Variants in PPIP5K2 observed in about 807,000 individuals in gnomAD.
PPIP5K2 encodes the protein inositol hexakisphosphate and diphosphoinositol-pentakisphosphate kinase 2.
Under a neutral mutation model 154.6 loss-of-function variants are expected in PPIP5K2, and 105 were observed. That is an observed-to-expected ratio of 0.68 (90% CI 0.58 to 0.80). PPIP5K2 has a LOEUF of 0.80. Ranked by LOEUF, PPIP5K2 falls within the 30% of genes least tolerant of loss-of-function variation. PPIP5K2 has a pLI of 0.00. For synonymous variants in PPIP5K2, 480 were observed against 490.3 expected (o/e 0.98, Z 0.28); for missense variants, 992 against 1,504.6 (o/e 0.66, Z 5.64).
rs1465965550 is a variant in PPIP5K2 at position 103,207,017 on chromosome 5, C to G, written c.*5383C>G. 1 of 152,234 alleles carries G rather than the reference C, an allele frequency of 6.6e-6. No homozygotes were observed. The highest frequency in any genetic ancestry group is 2.4e-5 in the African/African-American group (1 of 41,432). The allele number at this position is 152,234 out of a possible 1,614,324, so 9.4% of individuals were successfully genotyped here. On this transcript the variant is annotated 3_prime_UTR_variant, in exon 31 of 31. Coordinates refer to ENST00000358359, the MANE Select transcript of PPIP5K2 (RefSeq NM_001276277.3). ...CCTGAAAAGTGTCTCAACCAAGGCCCCCTGATAAGGAAGACTCAGCATGGA... is the reference window on the plus strand; with the variant it reads ...CCTGAAAAGTGTCTCAACCAAGGCCGCCTGATAAGGAAGACTCAGCATGGA...
chr5:103,129,478 A>T lies in PPIP5K2; in HGVS notation c.-112A>T. The T allele has an allele frequency of 1.3e-6, 1 of 798,098 alleles. No individual in the cohort carries two copies. The highest frequency in any genetic ancestry group is 1.8e-6 in the Non-Finnish European group (1 of 542,986). The allele number at this position is 798,098 out of a possible 1,614,324, so 49.4% of individuals were successfully genotyped here. Reference sequence around the variant, plus strand: ...ATTGTATAAGCAGAAACAAGCTGTCACAGACCTGTGCGTCAGCTAATATAT... The same window carrying T: ...ATTGTATAAGCAGAAACAAGCTGTCTCAGACCTGTGCGTCAGCTAATATAT... On this transcript the variant is annotated 5_prime_UTR_variant, in exon 2 of 31. Transcript: ENST00000358359.
intron 2 of PPIP5K2, 70 bp from the exon 3 acceptor site, chr5:103,133,383 C>A: frequency 1.5e-6 from 2 of 1,329,738 alleles, no homozygotes; most frequent in South Asian, 1.5e-5. Context: ...TTTTGGAAAA[C>A]AAATGAAGAT....
In PPIP5K2 at chr5:103,209,404, A is replaced by C. The variant is rs2149892131; in HGVS notation, c.*7770A>C. 6.7e-6 allele frequency: 1 copy of C among 149,624 alleles called. No homozygotes were observed. Among genetic ancestry groups the C allele is most frequent in the African/African-American group, 2.4e-5 (1 of 41,030 alleles). The allele number at this position is 149,624 out of a possible 1,614,324, so 9.3% of individuals were successfully genotyped here. A position where few individuals can be genotyped will look rare whatever the true frequency, so the allele number is the denominator to read the frequency against. Reference sequence around the variant, plus strand: ...TCAGTTCTTCCCAAAGCAGTGTTTAAAAAAAAAAAGTATTTAAATAAAATC... The same window carrying C: ...TCAGTTCTTCCCAAAGCAGTGTTTACAAAAAAAAAGTATTTAAATAAAATC... On this transcript the variant is annotated 3_prime_UTR_variant, in exon 31 of 31. Coordinates refer to ENST00000358359, the MANE Select transcript of PPIP5K2 (RefSeq NM_001276277.3).
chr5:103,191,190 C>CA (rs201274438), intron 29 of PPIP5K2: 1,704 of 351,516 alleles, frequency 4.8e-3, no homozygotes, highest in East Asian at 8.1e-3. Flanking sequence ...TTCTTCTTAC[C>CA]AAAAAAAAAC....
intron 28 of PPIP5K2, among the ~76,000 whole-genome samples, chr5:103,190,118 T>C (rs769462538): frequency 1.3e-5 from 2 of 152,082 alleles, no homozygotes; most frequent in Non-Finnish European, 2.9e-5. Flanking sequence ...TAAGTGCTTT[T>C]GTTTCACTGA....
chr5:103,185,023 G>C (rs1800146510), intron 26 of PPIP5K2, among the ~76,000 whole-genome samples: 1 of 152,112 alleles, frequency 6.6e-6, no homozygotes, highest in South Asian at 2.1e-4. Flanking sequence ...TACTCTGTAA[G>C]TTAATTTATG....
intron 29 of PPIP5K2, among the ~76,000 whole-genome samples, chr5:103,193,202 T>C (rs1415473208): frequency 1.3e-5 from 2 of 152,164 alleles, no homozygotes; most frequent in Non-Finnish European, 2.9e-5. Context: ...TTTCTCATTA[T>C]TTTTGAATAG....
intron 17 of PPIP5K2, among the ~76,000 whole-genome samples, chr5:103,162,992 T>C (rs968509000): frequency 1.3e-5 from 2 of 151,698 alleles, no homozygotes; most frequent in African/African-American, 4.8e-5. Context: ...TTATTATATA[T>C]GTGTGATCTG....
intron 17 of PPIP5K2, among the ~76,000 whole-genome samples, chr5:103,163,110 ATTTT>A (rs1796603826): frequency 1.8e-5 from 1 of 56,558 alleles, no homozygotes; most frequent in African/African-American, 7.3e-5. Context: ...TTTTTTTTGC[ATTTT>A]CATATAAATT....
At chr5:103,136,997 A>G (rs1791607880) in intron 4 of PPIP5K2, among the ~76,000 whole-genome samples, 175 bp downstream of exon 4, 1 of 152,214 alleles carries the variant, frequency 6.6e-6, no homozygotes, top group Non-Finnish European at 1.5e-5. Flanking sequence ...CTTGATAATT[A>G]GGAAGATTGA....
Position 103,211,488 on chromosome 5 carries a change from T to C in PPIP5K2, c.*9854T>C, listed in dbSNP as rs1368505636. The C allele has an allele frequency of 6.6e-6, 1 of 152,062 alleles. No homozygotes were observed. Among genetic ancestry groups the C allele is most frequent in the Non-Finnish European group, 1.5e-5 (1 of 67,962 alleles). The allele number at this position is 152,062 out of a possible 1,614,324, so 9.4% of individuals were successfully genotyped here. On this transcript the variant is annotated 3_prime_UTR_variant, in exon 31 of 31. Coordinates refer to ENST00000358359, the MANE Select transcript of PPIP5K2 (RefSeq NM_001276277.3). The stretch of plus-strand genomic sequence containing the variant: ...TGCTCAAAAACTCTCACCTACTTAC[T>C]AGATATAGTGTTTGTAATGTTAGCC...
rs148643639 is a variant in PPIP5K2, at chr5:103,153,685, A to G, written c.1131-163A>G. Among the ~76,000 whole-genome samples the G allele has an allele frequency of 4.0e-3, 615 of 152,064 alleles. 1 individual carries two copies. Among genetic ancestry groups the G allele is most frequent in the African/African-American group, 0.014 (590 of 41,568 alleles). ...TTAAGTTCTTTTTGAATTTTATTTC[A>G]TAAAGTTAAAACTAGATTGTTATAA... On this transcript the variant is annotated intron_variant, in intron 10 of 30. Transcript: ENST00000358359.
intron 11 of PPIP5K2, 97 bp from the exon 12 acceptor site, chr5:103,154,573 A>G: frequency 1.4e-6 from 1 of 712,244 alleles, no homozygotes; most frequent in Non-Finnish European, 2.2e-6. Flanking sequence ...CCCAAGTTCT[A>G]GTCCCATAGC....
intron 26 of PPIP5K2, 105 bp from the exon 27 acceptor site, chr5:103,186,215 G>A: frequency 7.0e-7 from 1 of 1,422,044 alleles, no homozygotes; most frequent in Non-Finnish European, 9.7e-7. Flanking sequence ...ACTTCCAAAG[G>A]TTGCCTTATA....
chr5:103,174,094 C>A (rs1798364807), intron 21 of PPIP5K2, 122 bp downstream of exon 21: 1 of 729,606 alleles, frequency 1.4e-6, no homozygotes, highest in Non-Finnish European at 2.2e-6. Context: ...TTAATGTCGT[C>A]TTTCAAGGGA....
intron 23 of PPIP5K2, among the ~76,000 whole-genome samples, chr5:103,178,938 A>G (rs1466051875): frequency 6.6e-6 from 1 of 151,748 alleles, no homozygotes; most frequent in Non-Finnish European, 1.5e-5. Context: ...TTTAAATTTC[A>G]TTTTTTGTTT....
At chr5:103,125,259 A>G (rs1554200321) in intron 1 of PPIP5K2, among the ~76,000 whole-genome samples, 2 of 152,190 alleles carry the variant, frequency 1.3e-5, no homozygotes, top group African/African-American at 4.8e-5. Context: ...AGACGTTGGG[A>G]TACAAGCACT....
At chr5:103,178,559 A>G (rs79652995) in intron 23 of PPIP5K2, among the ~76,000 whole-genome samples, 7,854 of 151,432 alleles carry the variant, frequency 0.052, 519 homozygotes, top group African/African-American at 0.16. Context: ...AGATTATGTT[A>G]AATATTTCAT....
chr5:103,129,775 C>A, intron 2 of PPIP5K2, 72 bp downstream of exon 2: 1 of 1,398,196 alleles, frequency 7.2e-7, no homozygotes. Flanking sequence ...CACTGTTAGT[C>A]TTTTTTTGTT....
Sources: gnomAD v4.1 joint callset for allele counts (sites outside exome capture counted in the v4.1 genomes callset) on GRCh38, gnomAD v4.1.1 for gene constraint, MANE v1.5 for transcripts, NCBI Gene and HGNC (gene_info 2026-07-23, HGNC 2026-07-21) for gene names.